The following SPMIP2 variants were observed in gnomAD, a reference collection of about 807,000 sequenced individuals.
The protein encoded by SPMIP2 is protein SPMIP2.
chr4:158,922,276 C>G, the SPMIP2 span, among the ~76,000 whole-genome samples: 4 of 152,138 alleles, frequency 2.6e-5, no homozygotes, highest in Non-Finnish European at 4.4e-5. Flanking sequence ...GTATGGCCTC[C>G]TCACACCACT....
At chr4:159,027,212 C>A in the SPMIP2 span, among the ~76,000 whole-genome samples, 3 of 152,184 alleles carry the variant, frequency 2.0e-5, no homozygotes, top group Admixed American at 1.3e-4. Flanking sequence ...GATAGCAACG[C>A]CTAATATCTA....
the SPMIP2 span, among the ~76,000 whole-genome samples, chr4:159,076,835 A>G: frequency 1.7e-5 from 2 of 116,830 alleles, no homozygotes; most frequent in Non-Finnish European, 3.5e-5. Flanking sequence ...TCCTGGCACT[A>G]AACAGATTTT....
At chr4:158,983,504 A>G in the SPMIP2 span, among the ~76,000 whole-genome samples, 6 of 151,248 alleles carry the variant, frequency 4.0e-5, no homozygotes, top group East Asian at 1.2e-3. Flanking sequence ...GGGGGCCAAT[A>G]TTCAATATTC....
chr4:158,942,339 C>T, the SPMIP2 span, among the ~76,000 whole-genome samples: 139 of 152,326 alleles, frequency 9.1e-4, no homozygotes, highest in African/African-American at 3.1e-3. Flanking sequence ...TTCCTGATCC[C>T]TGTTCGAAGT....
chr4:158,928,746 C>T, the SPMIP2 span, among the ~76,000 whole-genome samples: 97,102 of 151,964 alleles, frequency 0.64, 31,471 homozygotes, highest in East Asian at 0.9. Flanking sequence ...TGGGTCCACG[C>T]TGCTTTTATG....
At chr4:158,994,223 A>G in the SPMIP2 span, among the ~76,000 whole-genome samples, 1 of 152,206 alleles carries the variant, frequency 6.6e-6, no homozygotes, top group Non-Finnish European at 1.5e-5. Context: ...AATGTGGGAG[A>G]TCCACAGAAG....
At chr4:159,000,573 C>A in the SPMIP2 span, among the ~76,000 whole-genome samples, 1,073 of 150,246 alleles carry the variant, frequency 7.1e-3, 6 homozygotes, top group Non-Finnish European at 0.011. Flanking sequence ...CCGCTCACTG[C>A]AACCTCTGCC....
the SPMIP2 span, among the ~76,000 whole-genome samples, chr4:158,930,381 G>A: frequency 1.3e-5 from 2 of 151,892 alleles, no homozygotes; most frequent in African/African-American, 2.4e-5. Flanking sequence ...CCTATTTTTT[G>A]TATTTCTTAT....
chr4:159,001,194 A>G, the SPMIP2 span, among the ~76,000 whole-genome samples: 4 of 152,182 alleles, frequency 2.6e-5, no homozygotes, highest in African/African-American at 4.8e-5. Context: ...TCTAATAGGT[A>G]TGTAGTGATA....
chr4:159,040,846 T>C, the SPMIP2 span, among the ~76,000 whole-genome samples: 1 of 152,182 alleles, frequency 6.6e-6, no homozygotes, highest in Admixed American at 6.5e-5. Context: ...TGGCTTCAAA[T>C]CCCAACAACT....
chr4:158,907,481 C>T, the SPMIP2 span: 12 of 152,266 alleles, frequency 7.9e-5, no homozygotes, highest in East Asian at 1.9e-3. Flanking sequence ...GTTGTTTGGG[C>T]TCTTATAATT....
chr4:159,020,547 G>C, the SPMIP2 span, among the ~76,000 whole-genome samples: 1 of 152,142 alleles, frequency 6.6e-6, no homozygotes, highest in South Asian at 2.1e-4. Flanking sequence ...TTCTGCCCCT[G>C]GGCCGGTTAG....
the SPMIP2 span, among the ~76,000 whole-genome samples, chr4:159,080,224 ATTTATTTAT>A: frequency 6.7e-6 from 1 of 149,852 alleles, no homozygotes; most frequent in Admixed American, 6.8e-5. Context: ...TTATTTATTT[ATTTATTTAT>A]TTTAAGATGG....
the SPMIP2 span, among the ~76,000 whole-genome samples, chr4:159,015,069 T>C: frequency 4.6e-5 from 7 of 152,154 alleles, no homozygotes; most frequent in Non-Finnish European, 1.0e-4. Flanking sequence ...AGCTTTGGGG[T>C]TTCGTAAGTC....
At chr4:159,082,000 G>A in the SPMIP2 span, among the ~76,000 whole-genome samples, 2 of 151,996 alleles carry the variant, frequency 1.3e-5, no homozygotes, top group African/African-American at 4.8e-5. Context: ...TAATGAACCT[G>A]GTTTACATGA....
the SPMIP2 span, chr4:158,960,274 A>T: frequency 6.8e-7 from 1 of 1,480,198 alleles, no homozygotes; most frequent in Non-Finnish European, 9.3e-7. Flanking sequence ...AAATATATTC[A>T]TATTTGCTTA....
At chr4:158,964,899 A>C in the SPMIP2 span, among the ~76,000 whole-genome samples, 6 of 152,186 alleles carry the variant, frequency 3.9e-5, no homozygotes, top group Non-Finnish European at 5.9e-5. Context: ...CAACAGGAGA[A>C]CATCACAGGA....
chr4:158,994,463 T>C, the SPMIP2 span, among the ~76,000 whole-genome samples: 2 of 152,222 alleles, frequency 1.3e-5, no homozygotes, highest in Non-Finnish European at 1.5e-5. Context: ...ACTACATTTA[T>C]TTTTAATACT....
At chr4:159,024,500 T>C in the SPMIP2 span, among the ~76,000 whole-genome samples, 2 of 152,106 alleles carry the variant, frequency 1.3e-5, no homozygotes, top group Non-Finnish European at 2.9e-5. Flanking sequence ...GTTCAACTTG[T>C]GCTACCTCTC....
Sources: gnomAD v4.1 joint callset for allele counts (sites outside exome capture counted in the v4.1 genomes callset) on GRCh38, gnomAD v4.1.1 for gene constraint, MANE v1.5 for transcripts, NCBI Gene and HGNC (gene_info 2026-07-23, HGNC 2026-07-21) for gene names.